Variants in KCNB2 observed in about 807,000 individuals in gnomAD.
KCNB2 encodes the protein potassium voltage-gated channel subfamily B member 2.
KCNB2 carries 15 observed loss-of-function variants against 61.5 expected under a neutral mutation model. That is an observed-to-expected ratio of 0.24 (90% confidence interval 0.16 to 0.38). The LOEUF (loss-of-function observed/expected upper bound fraction) is 0.38. KCNB2 is among the 10% of genes least tolerant of loss of function. KCNB2 has a pLI of 1.00. For missense variants in KCNB2, 828 were observed against 1,125.2 expected (o/e 0.74, Z 3.78); for synonymous variants, 457 against 446.0 (o/e 1.02, Z -0.31).
chr8:72,594,294 C>G (rs1020857553), intron 2 of KCNB2, among the ~76,000 whole-genome samples: 1 of 152,110 alleles, frequency 6.6e-6, no homozygotes, highest in Non-Finnish European at 1.5e-5. Context: ...ATTTGCACCC[C>G]CCTCATCCTC....
rs1482414608 is a variant in KCNB2 at position 72,561,715 on chromosome 8, A to G, written c.-93-5927A>G. ...TTTATATATATATATATATATATAT[A>G]TATATATATATATCTATATCTATAT... On this transcript the variant is annotated intron_variant, in intron 1 of 2. Transcript: ENST00000523207. 1.3e-3 allele frequency among the ~76,000 whole-genome samples: 32 copies of G among 24,516 alleles called. 3 individuals carry two copies. The highest frequency in any genetic ancestry group is 3.7e-3 in the Admixed American group (6 of 1,630). The allele number at this position is 24,516 out of a possible 152,430, so 16.1% of individuals were successfully genotyped here. A position where few individuals can be genotyped will look rare whatever the true frequency, so the allele number is the denominator to read the frequency against.
At position 72,936,933 on chromosome 8, in the gene KCNB2, C is replaced by T. The variant is rs1280772843; in HGVS notation, c.1578C>T (p.Asn526=). 6.2e-7 allele frequency: 1 copy of T among 1,614,176 alleles called. No individual in the cohort carries two copies. The highest frequency in any genetic ancestry group is 8.5e-7 in the Non-Finnish European group (1 of 1,180,028). The change falls in exon 3 of 3, where the codon AAC becomes AAT. Residue 526 remains asparagine, a synonymous_variant. Coordinates refer to ENST00000523207, the MANE Select transcript of KCNB2 (RefSeq NM_004770.3). The surrounding 1 kb of genome is among the most constrained non-coding windows in gnomAD (Gnocchi z 5.6). ...AAGACTCCCACGAGCAGCTGAACAA[C>T]ACGTCTTCCTCCAGCCCACAGCATC... is the stretch of plus-strand genomic sequence containing the variant. ...SQKDSHEQLN[N]TSSSSPQHLS... is the part of the protein sequence containing the mutation.
At chr8:72,857,632 A>C (rs1445708575) in intron 2 of KCNB2, among the ~76,000 whole-genome samples, 2 of 152,108 alleles carry the variant, frequency 1.3e-5, no homozygotes, top group South Asian at 2.1e-4. Context: ...AAGTGGAAGC[A>C]ATGGGGCAAG....
At chr8:72,872,238 T>C (rs766017735) in intron 2 of KCNB2, among the ~76,000 whole-genome samples, 5 of 152,196 alleles carry the variant, frequency 3.3e-5, no homozygotes, top group African/African-American at 1.2e-4. Context: ...TGAGTATAAA[T>C]TGGCATCTCA....
At position 72,537,290 on chromosome 8, in the gene KCNB2, G is replaced by A. The variant is rs1456963135; in HGVS notation, c.-689G>A. On this transcript the variant is annotated 5_prime_UTR_variant, in exon 1 of 3. Transcript: ENST00000523207. Reference sequence around the variant, plus strand: ...GGGGAGCGGCGCCCCAGAGCGCCCCGCCTAGCCTCCCGCGCGCAGCCTCTA... The same window carrying A: ...GGGGAGCGGCGCCCCAGAGCGCCCCACCTAGCCTCCCGCGCGCAGCCTCTA... 1 of 152,016 alleles carries A rather than the reference G, an allele frequency of 6.6e-6. No homozygotes were observed. The highest frequency in any genetic ancestry group is 6.6e-5 in the Admixed American group (1 of 15,192). The allele number at this position is 152,016 out of a possible 1,614,324, so 9.4% of individuals were successfully genotyped here. A position where few individuals can be genotyped will look rare whatever the true frequency, so the allele number is the denominator to read the frequency against.
chr8:72,815,728 A>G (rs1412834560), intron 2 of KCNB2, among the ~76,000 whole-genome samples: 1 of 152,136 alleles, frequency 6.6e-6, no homozygotes, highest in East Asian at 1.9e-4. Flanking sequence ...GAATTTCTTT[A>G]CTAAAAGAAA....
chr8:72,639,415 C>T (rs781068838), intron 2 of KCNB2, among the ~76,000 whole-genome samples: 4 of 152,248 alleles, frequency 2.6e-5, no homozygotes, highest in African/African-American at 4.8e-5. Flanking sequence ...TATTTTCATA[C>T]GTCTTAATAT....
intron 2 of KCNB2, among the ~76,000 whole-genome samples, chr8:72,581,143 A>G (rs1168522932): frequency 1.3e-5 from 2 of 152,182 alleles, no homozygotes; most frequent in Non-Finnish European, 2.9e-5. Context: ...TCCATCCAGA[A>G]GGAACATCAT....
chr8:72,616,317 G>A (rs2128983798), intron 2 of KCNB2, among the ~76,000 whole-genome samples: 1 of 152,296 alleles, frequency 6.6e-6, no homozygotes, highest in South Asian at 2.1e-4. Flanking sequence ...TTGTGCAAGT[G>A]GCATGCTTAT....
At chr8:72,574,569 G>C (rs1806766984) in intron 2 of KCNB2, among the ~76,000 whole-genome samples, 1 of 152,102 alleles carries the variant, frequency 6.6e-6, no homozygotes, top group Admixed American at 6.6e-5. Flanking sequence ...CATCTGAAGA[G>C]GGCCAGTCTT....
intron 2 of KCNB2, among the ~76,000 whole-genome samples, chr8:72,846,815 G>A (rs1322825206): frequency 2.0e-5 from 3 of 152,174 alleles, no homozygotes; most frequent in Non-Finnish European, 4.4e-5. Context: ...TGGTGGGACT[G>A]TAAACTAGTT....
Position 72,838,269 on chromosome 8 carries a change from C to T in KCNB2, c.580-97666C>T, listed in dbSNP as rs187484208. 2.3e-3 allele frequency among the ~76,000 whole-genome samples: 349 copies of T among 152,266 alleles called. 1 individual carries two copies. The highest frequency in any genetic ancestry group is 6.8e-3 in the African/African-American group (282 of 41,548). On this transcript the variant is annotated intron_variant, in intron 2 of 2. Coordinates refer to ENST00000523207, the MANE Select transcript of KCNB2 (RefSeq NM_004770.3). The stretch of plus-strand genomic sequence containing the variant: ...CCTAATGCTATCCTTCCCCCAGCCC[C>T]CCACCAGCCGACAGGCCCTGGTATG...
chr8:72,784,539 C>T (rs1335263116), intron 2 of KCNB2, among the ~76,000 whole-genome samples: 1 of 152,078 alleles, frequency 6.6e-6, no homozygotes, highest in African/African-American at 2.4e-5. Flanking sequence ...GGAAACTTAC[C>T]ATCATGATGG....
At chr8:72,552,030 C>T (rs145413504) in intron 1 of KCNB2, among the ~76,000 whole-genome samples, 7 of 152,196 alleles carry the variant, frequency 4.6e-5, no homozygotes, top group African/African-American at 1.4e-4. Flanking sequence ...GATGATGAAG[C>T]GCCAAACCAT....
intron 2 of KCNB2, among the ~76,000 whole-genome samples, chr8:72,767,280 A>C (rs1299888015): frequency 6.6e-6 from 1 of 152,162 alleles, no homozygotes; most frequent in South Asian, 2.1e-4. Flanking sequence ...ATTTACTATA[A>C]AATTCACTTA....
In KCNB2 at chr8:72,712,492, G is replaced by A. The variant is rs116667550; in HGVS notation, c.579+144179G>A. Among the ~76,000 whole-genome samples the A allele has an allele frequency of 8.7e-3, 1,319 of 152,312 alleles. 17 individuals carry two copies. The highest frequency in any genetic ancestry group is 0.03 in the African/African-American group (1,260 of 41,560). ...GGCTAACTTTTAGTTGGATAATGTG[G>A]TTTTCTTTGGTAACAATTATGTAAC... is the stretch of plus-strand genomic sequence containing the variant. On this transcript the variant is annotated intron_variant, in intron 2 of 2. Coordinates refer to ENST00000523207, the MANE Select transcript of KCNB2 (RefSeq NM_004770.3).
At chr8:72,847,969 C>G (rs1022304714) in intron 2 of KCNB2, among the ~76,000 whole-genome samples, 1 of 152,104 alleles carries the variant, frequency 6.6e-6, no homozygotes, top group Non-Finnish European at 1.5e-5. Context: ...ATTCTCTCCC[C>G]CTAAACACTC....
chr8:72,579,562 C>T (rs149779353), intron 2 of KCNB2, among the ~76,000 whole-genome samples: 1 of 152,322 alleles, frequency 6.6e-6, no homozygotes, highest in East Asian at 1.9e-4. Flanking sequence ...TTCACCCACC[C>T]TCTGCCCTCC....
chr8:72,765,733 T>G (rs534140879), intron 2 of KCNB2, among the ~76,000 whole-genome samples: 3 of 152,350 alleles, frequency 2.0e-5, no homozygotes, highest in Admixed American at 2.0e-4. Context: ...GTTCTCGAAC[T>G]GCAGCATGCA....
Sources: allele counts gnomAD v4.1 joint callset (sites outside exome capture counted in the v4.1 genomes callset), GRCh38; gene constraint gnomAD v4.1.1; non-coding constraint Gnocchi (gnomAD v3.1); transcripts MANE v1.5; gene names NCBI Gene and HGNC (gene_info 2026-07-23, HGNC 2026-07-21).